Variants in DBX2 observed in about 807,000 individuals in gnomAD.
DBX2 encodes the protein developing brain homeobox 2, also known as homeobox protein DBX2.
In DBX2, 16 loss-of-function variants were observed where a neutral mutation model predicts 17.7. The observed-to-expected ratio is 0.90, with a 90% CI of 0.61 to 1.37. The LOEUF (loss-of-function observed/expected upper bound fraction) is 1.37, where lower values mean the gene tolerates loss of function less well. Among genes scored for constraint, DBX2 ranks in the 40% most tolerant of loss-of-function variants. The pLI is 0.00. For synonymous variants in DBX2, 255 were observed against 183.8 expected, an observed-to-expected ratio of 1.39 and a Z score of -3.13; for missense variants, 538 against 433.8, an observed-to-expected ratio of 1.24 and a Z score of -2.13.
At chr12:45,020,933 C>T (rs1946348877) in intron 3 of DBX2, among the ~76,000 whole-genome samples, 1 of 151,940 alleles carries the variant, frequency 6.6e-6, no homozygotes, top group African/African-American at 2.4e-5. Context: ...CAGAAGTAAC[C>T]AAGGAATTGG....
Position 45,023,779 on chromosome 12 carries a change from A to G in DBX2, c.615T>C (p.Phe205=), listed in dbSNP as rs1157497774. 6.2e-7 allele frequency: 1 copy of G among 1,613,942 alleles called. No homozygotes were observed. Among genetic ancestry groups the G allele is most frequent in the Non-Finnish European group, 8.5e-7 (1 of 1,180,004 alleles). The change falls in exon 3 of 4, where the codon TTT becomes TTC. Residue 205 remains phenylalanine (F), a synonymous_variant. Coordinates refer to ENST00000332700, the MANE Select transcript of DBX2 (RefSeq NM_001004329.3). ...TTTTGCTGATATATTTCTGTTTCTG[A>G]AACATTTTCTCCAGAGCCTTTCTCT... ...EDQRKALEKM[F]QKQKYISKTD...
In DBX2 at chr12:45,021,746, C is replaced by T. The variant is rs886570195; in HGVS notation, c.687+1961G>A. On this transcript the variant is annotated intron_variant, in intron 3 of 3. Transcript: ENST00000332700. ...AGGAGTAGTATATGGACCAATCACA[C>T]GGCTGTCCTTTGCAGAGATGGGGAT... Among the ~76,000 whole-genome samples, 7 of 152,242 alleles carry T rather than the reference C, an allele frequency of 4.6e-5. No homozygotes were observed. The East Asian group carries it at 7.7e-4, about 17-fold the overall frequency.
chr12:45,032,274 G>C (rs1222522415), intron 2 of DBX2, among the ~76,000 whole-genome samples: 1 of 152,102 alleles, frequency 6.6e-6, no homozygotes, highest in Non-Finnish European at 1.5e-5. Context: ...TTATGTTTTA[G>C]ACAATATAAT....
At chr12:45,020,590 A>G (rs1386009806) in intron 3 of DBX2, among the ~76,000 whole-genome samples, 2 of 151,750 alleles carry the variant, frequency 1.3e-5, no homozygotes, top group Admixed American at 6.6e-5. Context: ...AGCTGGATAT[A>G]CAGGTGATTT....
intron 1 of DBX2, among the ~76,000 whole-genome samples, chr12:45,039,442 A>G (rs1043230370): frequency 2.0e-5 from 3 of 151,218 alleles, no homozygotes; most frequent in Admixed American, 2.0e-4. Flanking sequence ...ACCCTTAAGA[A>G]TTACTTGGAA....
At chr12:45,034,323 C>T (rs1946424150) in intron 2 of DBX2, among the ~76,000 whole-genome samples, 2 of 152,178 alleles carry the variant, frequency 1.3e-5, no homozygotes, top group African/African-American at 2.4e-5. Context: ...CTTAATTCCA[C>T]AGCGATGCCA....
intron 1 of DBX2, among the ~76,000 whole-genome samples, chr12:45,043,296 G>A (rs1181705473): frequency 6.6e-6 from 1 of 152,154 alleles, no homozygotes; most frequent in Non-Finnish European, 1.5e-5. Context: ...TGGCAGATAT[G>A]ACACTCTGAA....
chr12:45,039,531 A>T (rs1946460074), intron 1 of DBX2, among the ~76,000 whole-genome samples: 1 of 151,664 alleles, frequency 6.6e-6, no homozygotes, highest in Admixed American at 6.6e-5. Flanking sequence ...ATCTAGATGC[A>T]GTTGCTTAAT....
chr12:45,017,374 C>T (rs7958634), intron 3 of DBX2, among the ~76,000 whole-genome samples: 6,135 of 152,190 alleles, frequency 0.04, 413 homozygotes, highest in African/African-American at 0.14. Context: ...GTTAAAAAAA[C>T]TGAAGTTTGG....
chr12:45,043,257 G>T (rs1170769904), intron 1 of DBX2, among the ~76,000 whole-genome samples: 1 of 152,144 alleles, frequency 6.6e-6, no homozygotes, highest in Non-Finnish European at 1.5e-5. Flanking sequence ...ATTTGGAATG[G>T]CCTTGGTGAC....
rs886442446 is a variant in DBX2, at chr12:45,029,954, TGATTCCCTG to T, written c.499+6056_500-6061del. On this transcript the variant is annotated intron_variant, in intron 2 of 3. Transcript: ENST00000332700. ...TGGGATAGAAAACTTTTCAAAGTCA[TGATTCCCTG>T]GATTCCCTGGATTCCAGGATCCCCT... is the stretch of plus-strand genomic sequence containing the variant. Among the ~76,000 whole-genome samples, 5 of 151,938 alleles carry T rather than the reference TGATTCCCTG, an allele frequency of 3.3e-5. No individual in the cohort carries two copies. The East Asian group carries it at 5.8e-4, about 18-fold the overall frequency.
At chr12:45,027,933 C>A (rs1946389998) in intron 2 of DBX2, among the ~76,000 whole-genome samples, 1 of 152,160 alleles carries the variant, frequency 6.6e-6, no homozygotes, top group African/African-American at 2.4e-5. Context: ...AGCCACAATA[C>A]AGTGGGATGA....
intron 1 of DBX2, among the ~76,000 whole-genome samples, chr12:45,046,780 A>G (rs1395005425): frequency 6.6e-6 from 1 of 152,198 alleles, no homozygotes; most frequent in Non-Finnish European, 1.5e-5. Context: ...TAGAGTGCAC[A>G]TTAAGTATTG....
intron 3 of DBX2, among the ~76,000 whole-genome samples, chr12:45,019,738 T>C (rs921657860): frequency 6.6e-6 from 1 of 152,100 alleles, no homozygotes; most frequent in South Asian, 2.1e-4. Flanking sequence ...TAGATCTGTA[T>C]GTACTGACAT....
intron 2 of DBX2, among the ~76,000 whole-genome samples, chr12:45,029,634 G>A (rs536534653): frequency 6.6e-6 from 1 of 152,126 alleles, no homozygotes; most frequent in East Asian, 1.9e-4. Context: ...GGAGGCGGAG[G>A]TGGGCAGATT....
chr12:45,021,980 C>T (rs4561266), intron 3 of DBX2, among the ~76,000 whole-genome samples: 74,654 of 151,992 alleles, frequency 0.49, 18,650 homozygotes, highest in South Asian at 0.75. Context: ...TGCCTACCTA[C>T]CACAGTGTCT....
chr12:45,017,383 G>A (rs1427178320), intron 3 of DBX2, among the ~76,000 whole-genome samples: 1 of 152,132 alleles, frequency 6.6e-6, no homozygotes, highest in Non-Finnish European at 1.5e-5. Context: ...ACTGAAGTTT[G>A]GAGACATTAG....
chr12:45,031,888 T>G (rs1288173349), intron 2 of DBX2, among the ~76,000 whole-genome samples: 1 of 152,202 alleles, frequency 6.6e-6, no homozygotes, highest in Admixed American at 6.5e-5. Flanking sequence ...TCACTTTTTT[T>G]TTGGAAACCA....
At chr12:45,039,276 G>GAT (rs1565585153) in intron 1 of DBX2, among the ~76,000 whole-genome samples, 3 of 66,424 alleles carry the variant, frequency 4.5e-5, no homozygotes, top group African/African-American at 1.9e-4. Flanking sequence ...CTGCATTGAA[G>GAT]GTATATATAT....
Sources: allele counts gnomAD v4.1 joint callset (sites outside exome capture counted in the v4.1 genomes callset), GRCh38; gene constraint gnomAD v4.1.1; transcripts MANE v1.5; gene names NCBI Gene and HGNC (gene_info 2026-07-23, HGNC 2026-07-21).